The following RANBP2 variants were observed in gnomAD, a reference collection of about 807,000 sequenced individuals.
The protein encoded by RANBP2 is RAN binding protein 2, also known as E3 SUMO-protein ligase RanBP2.
RANBP2 carries 57 observed loss-of-function variants against 303.6 expected under a neutral mutation model. That is an observed-to-expected ratio of 0.19 (90% CI 0.15 to 0.23). The LOEUF is 0.23. RANBP2 is among the 10% of genes least tolerant of loss of function. RANBP2 has a pLI of 1.00. For synonymous variants in RANBP2, 1,167 were observed against 1,301.5 expected (o/e 0.90, Z 2.23); for missense variants, 3,138 against 3,780.8 (o/e 0.83, Z 4.46).
chr2:109,153,629 G>A, the RANBP2 span, among the ~76,000 whole-genome samples: 10 of 152,234 alleles, frequency 6.6e-5, 2 homozygotes, highest in African/African-American at 2.4e-4. Flanking sequence ...AAAGAGTGTG[G>A]CATAGTAAAA....
At chr2:109,059,337 A>G in the RANBP2 span, among the ~76,000 whole-genome samples, 1 of 152,126 alleles carries the variant, frequency 6.6e-6, no homozygotes, top group East Asian at 1.9e-4. Context: ...ACACTTTGGG[A>G]GGCCAAAGTG....
the RANBP2 span, among the ~76,000 whole-genome samples, chr2:108,933,689 G>A: frequency 6.6e-6 from 1 of 152,194 alleles, no homozygotes; most frequent in Non-Finnish European, 1.5e-5. Flanking sequence ...CAAGATTGAG[G>A]AGCCAGCCAC....
At chr2:109,350,728 C>T in the RANBP2 span, among the ~76,000 whole-genome samples, 1 of 152,370 alleles carries the variant, frequency 6.6e-6, no homozygotes, top group Non-Finnish European at 1.5e-5. Flanking sequence ...CACACACTGG[C>T]TCTGACAACC....
At chr2:108,726,000 C>A (rs1313644973) in intron 1 of RANBP2, among the ~76,000 whole-genome samples, 1 of 151,976 alleles carries the variant, frequency 6.6e-6, no homozygotes, top group African/African-American at 2.4e-5. Flanking sequence ...TCTTAATTTC[C>A]TTTTCTGATT....
chr2:108,913,982 C>T, the RANBP2 span, among the ~76,000 whole-genome samples: 2 of 145,478 alleles, frequency 1.4e-5, no homozygotes, highest in African/African-American at 5.0e-5. Flanking sequence ...GAAAAGGGGC[C>T]GGGCGCGGTA....
At chr2:109,441,914 C>G in the RANBP2 span, among the ~76,000 whole-genome samples, 1 of 152,052 alleles carries the variant, frequency 6.6e-6, no homozygotes, top group Non-Finnish European at 1.5e-5. Context: ...AGAAATATAG[C>G]TGTCAATCTA....
At chr2:109,195,350 C>T in the RANBP2 span, among the ~76,000 whole-genome samples, 487 of 152,284 alleles carry the variant, frequency 3.2e-3, 4 homozygotes, top group African/African-American at 0.011. Context: ...GGACAAGGGG[C>T]AAGTGAGGAG....
At chr2:109,359,229 C>G in the RANBP2 span, among the ~76,000 whole-genome samples, 1 of 152,140 alleles carries the variant, frequency 6.6e-6, no homozygotes, top group African/African-American at 2.4e-5. Flanking sequence ...TTGTTCTTCT[C>G]CTTCAATATT....
the RANBP2 span, chr2:108,846,839 G>A: frequency 2.1e-4 from 338 of 1,613,562 alleles, 2 homozygotes; most frequent in East Asian, 6.3e-3. Context: ...ATTCTGTGGA[G>A]AATAAACCAA....
At chr2:108,977,420 C>T in the RANBP2 span, among the ~76,000 whole-genome samples, 1 of 152,184 alleles carries the variant, frequency 6.6e-6, no homozygotes, top group African/African-American at 2.4e-5. Context: ...AGGCACCCGC[C>T]ACCATGCCTG....
chr2:108,990,565 C>CAGCA, the RANBP2 span, among the ~76,000 whole-genome samples: 1 of 152,024 alleles, frequency 6.6e-6, no homozygotes, highest in African/African-American at 2.4e-5. Flanking sequence ...CACTGCACTC[C>CAGCA]AGCCTGGGCA....
the RANBP2 span, among the ~76,000 whole-genome samples, chr2:108,872,288 C>T: frequency 6.6e-6 from 1 of 152,096 alleles, no homozygotes; most frequent in South Asian, 2.1e-4. Flanking sequence ...CCTTCTCATA[C>T]GCAGAATACA....
At chr2:109,765,904 C>G in the RANBP2 span, among the ~76,000 whole-genome samples, 1 of 150,638 alleles carries the variant, frequency 6.6e-6, no homozygotes, top group African/African-American at 2.4e-5. Context: ...GCTACAGATC[C>G]CTGATCTTGA....
At chr2:109,129,561 G>C in the RANBP2 span, 1 of 1,490,960 alleles carries the variant, frequency 6.7e-7, no homozygotes, top group Non-Finnish European at 8.9e-7. Flanking sequence ...GAGCGTCCTG[G>C]CTGTGCGCAT....
At chr2:109,449,036 C>G in the RANBP2 span, 1 of 1,052,006 alleles carries the variant, frequency 9.5e-7, no homozygotes. Context: ...GAGGCCAGGT[C>G]TGTCTGGAGA....
the RANBP2 span, among the ~76,000 whole-genome samples, chr2:109,455,124 G>T: frequency 6.6e-6 from 1 of 152,186 alleles, no homozygotes; most frequent in South Asian, 2.1e-4. Flanking sequence ...GGGAATGCTG[G>T]CCTCCTGCCT....
chr2:109,426,458 G>A, the RANBP2 span, among the ~76,000 whole-genome samples: 1 of 152,210 alleles, frequency 6.6e-6, no homozygotes, highest in Non-Finnish European at 1.5e-5. Flanking sequence ...AGATGTGGTA[G>A]AAACAGCAAG....
chr2:109,201,165 G>A, the RANBP2 span, among the ~76,000 whole-genome samples: 3 of 152,128 alleles, frequency 2.0e-5, no homozygotes, highest in African/African-American at 7.2e-5. Flanking sequence ...TCCTTCCGGC[G>A]GCCTCTGCAT....
chr2:109,363,094 G>A, the RANBP2 span, among the ~76,000 whole-genome samples: 1 of 151,874 alleles, frequency 6.6e-6, no homozygotes, highest in East Asian at 1.9e-4. Context: ...TACCATATTT[G>A]CATTATTTTA....
Sources: gnomAD v4.1 joint callset for allele counts (sites outside exome capture counted in the v4.1 genomes callset) on GRCh38, gnomAD v4.1.1 for gene constraint, MANE v1.5 for transcripts, NCBI Gene and HGNC (gene_info 2026-07-23, HGNC 2026-07-21) for gene names.